CCR3: variants seen among roughly 807,000 people sequenced by gnomAD.
CCR3 encodes the protein C-C chemokine receptor type 3.
For missense variants in CCR3, 419 were observed against 437.5 expected (o/e 0.96, Z 0.38); for synonymous variants, 203 against 179.2 (o/e 1.13, Z -1.06).
At chr3:46,246,221 A>G (rs1025319340) in intron 1 of CCR3, among the ~76,000 whole-genome samples, 5 of 152,202 alleles carry the variant, frequency 3.3e-5, no homozygotes, top group Non-Finnish European at 7.3e-5. Context: ...TTCATTTGTC[A>G]GGCATCATGC....
intron 1 of CCR3, chr3:46,264,661 A>G (rs1700584730): frequency 3.9e-6 from 2 of 516,772 alleles, no homozygotes; most frequent in Non-Finnish European, 6.7e-6. Flanking sequence ...GGGGCCCTGG[A>G]GAAGCATAAT....
intron 1 of CCR3, among the ~76,000 whole-genome samples, chr3:46,244,993 C>A (rs1700163749): frequency 6.6e-6 from 1 of 152,174 alleles, no homozygotes; most frequent in Admixed American, 6.5e-5. Context: ...ACATATTCTT[C>A]ATGACCAACT....
chr3:46,245,355 C>A (rs1235195525), intron 1 of CCR3, among the ~76,000 whole-genome samples: 1 of 148,552 alleles, frequency 6.7e-6, no homozygotes, highest in African/African-American at 2.5e-5. Flanking sequence ...CCAAGGTCAT[C>A]AAATTTCTGC....
chr3:46,255,484 G>A (rs1460760451), intron 1 of CCR3, among the ~76,000 whole-genome samples: 2 of 152,110 alleles, frequency 1.3e-5, no homozygotes, highest in Non-Finnish European at 2.9e-5. Flanking sequence ...CCAATGTCTA[G>A]AAGAGTTCTT....
At chr3:46,256,653 CATAA>C (rs1472360493) in intron 1 of CCR3, among the ~76,000 whole-genome samples, 9 of 152,192 alleles carry the variant, frequency 5.9e-5, no homozygotes, top group Admixed American at 6.6e-5. Flanking sequence ...GAATTTTATT[CATAA>C]ATAAATAGTG....
chr3:46,234,489 T>C (rs1182431538), intron 2 of CCR3, among the ~76,000 whole-genome samples: 1 of 152,124 alleles, frequency 6.6e-6, no homozygotes, highest in Non-Finnish European at 1.5e-5. Context: ...CTCCAGATGT[T>C]ATCTGGAGCC....
intron 2 of CCR3, among the ~76,000 whole-genome samples, chr3:46,218,934 A>G (rs1699804553): frequency 6.6e-6 from 1 of 152,158 alleles, no homozygotes; most frequent in Non-Finnish European, 1.5e-5. Context: ...AAGGATGCCC[A>G]CTTTCACACT....
In CCR3 at chr3:46,255,114, G is replaced by A. The variant is rs550032805; in HGVS notation, c.-11-10034G>A. Among the ~76,000 whole-genome samples the A allele has an allele frequency of 1.2e-4, 19 of 152,006 alleles. No homozygotes were observed. In the East Asian group the frequency reaches 3.5e-3, roughly 28 times the overall value. Reference sequence around the variant, plus strand: ...TTGCAAGAGTAGGCAGTATCACATTGTGGTTTTGATTTGCATTTCCCTGAT... The same window carrying A: ...TTGCAAGAGTAGGCAGTATCACATTATGGTTTTGATTTGCATTTCCCTGAT... On this transcript the variant is annotated intron_variant, in intron 1 of 1. Coordinates refer to ENST00000395940, the MANE Select transcript of CCR3 (RefSeq NM_178329.3).
chr3:46,221,353 T>C (rs1699835009), intron 2 of CCR3, among the ~76,000 whole-genome samples: 1 of 152,238 alleles, frequency 6.6e-6, no homozygotes, highest in Non-Finnish European at 1.5e-5. Context: ...CAACAAATAC[T>C]GTATCTGAGT....
At chr3:46,263,335 G>C (rs1197157713) in intron 1 of CCR3, 1 of 154,616 alleles carries the variant, frequency 6.5e-6, no homozygotes, top group African/African-American at 2.4e-5. Flanking sequence ...CTGAAGTGCA[G>C]AAGGACACTC....
chr3:46,220,716 G>A (rs970870692), intron 2 of CCR3, among the ~76,000 whole-genome samples: 2 of 152,228 alleles, frequency 1.3e-5, no homozygotes, highest in Non-Finnish European at 2.9e-5. Flanking sequence ...CCTGGATGGA[G>A]TTGGAGACCA....
chr3:46,248,272 G>A (rs1040703481), intron 1 of CCR3, among the ~76,000 whole-genome samples: 68 of 152,324 alleles, frequency 4.5e-4, no homozygotes, highest in Non-Finnish European at 9.6e-4. Context: ...GGAGCAGAAA[G>A]TATATGCATC....
chr3:46,215,277 A>C (rs780881937), intron 2 of CCR3, among the ~76,000 whole-genome samples: 1 of 152,134 alleles, frequency 6.6e-6, no homozygotes, highest in South Asian at 2.1e-4. Flanking sequence ...AAGAGTCCTA[A>C]AAGTTGAGTT....
intron 1 of CCR3, chr3:46,264,805 T>C (rs894593547): frequency 5.3e-6 from 2 of 375,518 alleles, no homozygotes; most frequent in Non-Finnish European, 9.5e-6. Flanking sequence ...GTAATAATAA[T>C]GATTATTATA....
chr3:46,223,817 G>A (rs1250026721), intron 2 of CCR3, among the ~76,000 whole-genome samples: 1 of 152,282 alleles, frequency 6.6e-6, no homozygotes, highest in Admixed American at 6.5e-5. Flanking sequence ...CTGAAACTTG[G>A]CCACGGACAG....
In CCR3 at chr3:46,221,240, A is replaced by G. The variant is rs941920234; in HGVS notation, c.-68+10333A>G. On this transcript the variant is annotated intron_variant, in intron 2 of 3. Coordinates refer to the CCR3 transcript ENST00000357422. The stretch of plus-strand genomic sequence containing the variant: ...TCCAGAAAGCTGGTTGTTAACATTT[A>G]CCAGCACACCATTGCAGAGTACCTA... 7.9e-5 allele frequency among the ~76,000 whole-genome samples: 12 copies of G among 152,300 alleles called. No individual in the cohort carries two copies. In the South Asian group the frequency reaches 2.5e-3, roughly 32 times the overall value.
intron 2 of CCR3, among the ~76,000 whole-genome samples, chr3:46,214,960 G>A (rs1200815923): frequency 6.6e-6 from 1 of 152,172 alleles, no homozygotes. Flanking sequence ...GAGCCTGAGA[G>A]CATGGCCATT....
At chr3:46,246,952 C>T (rs533345068) in intron 1 of CCR3, among the ~76,000 whole-genome samples, 2 of 151,422 alleles carry the variant, frequency 1.3e-5, no homozygotes, top group African/African-American at 2.4e-5. Flanking sequence ...AAACATTTGT[C>T]GTATAGAATG....
chr3:46,230,877 A>G (rs1340496197), intron 2 of CCR3, among the ~76,000 whole-genome samples: 2 of 152,046 alleles, frequency 1.3e-5, no homozygotes, highest in Non-Finnish European at 2.9e-5. Context: ...TTATTCATTC[A>G]GGATTTGTGC....
Sources: allele counts gnomAD v4.1 joint callset (sites outside exome capture counted in the v4.1 genomes callset), GRCh38; gene constraint gnomAD v4.1.1; transcripts MANE v1.5; gene names NCBI Gene and HGNC (gene_info 2026-07-23, HGNC 2026-07-21).